The following ZPLD1 variants were observed in gnomAD, a reference collection of about 807,000 sequenced individuals.
ZPLD1 encodes the protein zona pellucida like domain containing 1.
In ZPLD1, 34 loss-of-function variants were observed where a neutral mutation model predicts 47.2. That is an observed-to-expected ratio of 0.72 (90% CI 0.55 to 0.96). The LOEUF (loss-of-function observed/expected upper bound fraction) is 0.96, where lower values mean the gene tolerates loss of function less well. Ranked by LOEUF, ZPLD1 falls within the 40% of genes least tolerant of loss-of-function variation. The pLI, the probability that ZPLD1 is intolerant of heterozygous loss-of-function variation, is 0.00. For missense variants in ZPLD1, 512 were observed against 505.8 expected (o/e 1.01, Z -0.12); for synonymous variants, 176 against 186.2 (o/e 0.95, Z 0.45).
At chr3:102,419,978 G>A (rs1706857590) in intron 8 of ZPLD1, among the ~76,000 whole-genome samples, 1 of 149,362 alleles carries the variant, frequency 6.7e-6, no homozygotes, top group African/African-American at 2.5e-5. Flanking sequence ...CTGGTTTGCT[G>A]TGTTTGTCTT....
chr3:102,437,181 C>G (rs1046796583), intron 2 of ZPLD1, among the ~76,000 whole-genome samples: 20 of 152,192 alleles, frequency 1.3e-4, no homozygotes. Flanking sequence ...GCAATCAGAA[C>G]TAACTAGGCA....
intron 7 of ZPLD1, among the ~76,000 whole-genome samples, chr3:102,404,617 T>C (rs1242272014): frequency 2.6e-5 from 4 of 151,976 alleles, no homozygotes; most frequent in African/African-American, 9.7e-5. Flanking sequence ...TGATGGTGAA[T>C]TTTTCCCTTC....
At chr3:102,454,266 AT>A (rs1707379794) in intron 4 of ZPLD1, among the ~76,000 whole-genome samples, 1 of 152,156 alleles carries the variant, frequency 6.6e-6, no homozygotes, top group African/African-American at 2.4e-5. Context: ...GACTCTTTTT[AT>A]TAAAAACGTT....
At chr3:102,466,895 T>A (rs1355609911) in intron 8 of ZPLD1, among the ~76,000 whole-genome samples, 1 of 151,806 alleles carries the variant, frequency 6.6e-6, no homozygotes, top group African/African-American at 2.4e-5. Context: ...GCCAAAATAA[T>A]AGAACACATT....
chr3:102,397,039 A>T (rs555712157), intron 7 of ZPLD1, among the ~76,000 whole-genome samples: 2 of 152,200 alleles, frequency 1.3e-5, no homozygotes, highest in Non-Finnish European at 2.9e-5. Context: ...GCACACAATA[A>T]ATTCTACTTA....
intron 3 of ZPLD1, among the ~76,000 whole-genome samples, chr3:102,439,954 T>C (rs1024168863): frequency 6.6e-6 from 1 of 152,180 alleles, no homozygotes; most frequent in African/African-American, 2.4e-5. Context: ...ATGCTGTTTA[T>C]CTCTTTGAGC....
At chr3:102,471,253 C>T (rs935276162) in intron 10 of ZPLD1, among the ~76,000 whole-genome samples, 22 of 152,130 alleles carry the variant, frequency 1.4e-4, no homozygotes, top group African/African-American at 5.3e-4. Flanking sequence ...GAAATTGTGG[C>T]GTCCACAGGG....
chr3:102,404,573 T>C (rs1278732445), intron 7 of ZPLD1, among the ~76,000 whole-genome samples: 3 of 151,994 alleles, frequency 2.0e-5, no homozygotes, highest in African/African-American at 7.2e-5. Context: ...GCTTTTGTGC[T>C]CCAGGTGTTT....
chr3:102,460,767 T>C (rs868271477), intron 6 of ZPLD1, among the ~76,000 whole-genome samples: 1 of 151,928 alleles, frequency 6.6e-6, no homozygotes, highest in Non-Finnish European at 1.5e-5. Flanking sequence ...AAATCACAGG[T>C]GGATCATATG....
At chr3:102,433,731 G>A (rs374442245), upstream of ZPLD1, among the ~76,000 whole-genome samples, 62 of 152,112 alleles carry the variant, frequency 4.1e-4, 2 homozygotes, top group South Asian at 0.012. Flanking sequence ...TGGTTTCACC[G>A]TGTTAGCCAG....
intron 8 of ZPLD1, among the ~76,000 whole-genome samples, chr3:102,425,004 T>TG (rs368494033): frequency 3.5e-4 from 54 of 152,124 alleles, no homozygotes; most frequent in African/African-American, 1.2e-3. Flanking sequence ...GGTTTTTTTT[T>TG]TTGTTGTTGT....
intron 7 of ZPLD1, among the ~76,000 whole-genome samples, chr3:102,403,631 T>A (rs980002197): frequency 2.2e-4 from 33 of 152,040 alleles, no homozygotes; most frequent in Non-Finnish European, 5.9e-5. Flanking sequence ...AGCTTAATCA[T>A]ACCCTTAGAT....
At chr3:102,440,954 A>G (rs1453464713) in intron 3 of ZPLD1, among the ~76,000 whole-genome samples, 1 of 152,168 alleles carries the variant, frequency 6.6e-6, no homozygotes, top group Non-Finnish European at 1.5e-5. Flanking sequence ...TGAAGGAGTT[A>G]ACCTTGGAAA....
intron 8 of ZPLD1, among the ~76,000 whole-genome samples, chr3:102,427,062 T>C (rs1262958595): frequency 6.6e-6 from 1 of 152,062 alleles, no homozygotes; most frequent in Non-Finnish European, 1.5e-5. Flanking sequence ...AACAGGTCAA[T>C]AAATAATTTT....
At chr3:102,393,906 A>G (rs1378803820) in intron 7 of ZPLD1, among the ~76,000 whole-genome samples, 1 of 152,188 alleles carries the variant, frequency 6.6e-6, no homozygotes, top group African/African-American at 2.4e-5. Context: ...CAGGCTTTAT[A>G]AAGCTACATT....
rs1290083666 is a variant in ZPLD1 at position 102,479,487 on chromosome 3, T to C, written c.*1869T>C. The C allele has an allele frequency of 6.6e-6, 1 of 152,228 alleles. No individual in the cohort carries two copies. Among genetic ancestry groups the C allele is most frequent in the Non-Finnish European group, 1.5e-5 (1 of 68,028 alleles). The allele number at this position is 152,228 out of a possible 1,614,324, so 9.4% of individuals were successfully genotyped here. A position where few individuals can be genotyped will look rare whatever the true frequency, so the allele number is the denominator to read the frequency against. ...TTGGAACGGCTGCTGTTTCAGCTGT[T>C]GGCCTTTTCAATTCTATACTCCATT... On this transcript the variant is annotated 3_prime_UTR_variant, in exon 12 of 12. Coordinates refer to ENST00000466937, the MANE Select transcript of ZPLD1 (RefSeq NM_001329788.2).
chr3:102,467,700 A>G (rs1257378486), intron 8 of ZPLD1, among the ~76,000 whole-genome samples: 4 of 152,090 alleles, frequency 2.6e-5, no homozygotes, highest in Admixed American at 6.5e-5. Context: ...AAAGGTAAAA[A>G]CTACAACTTT....
chr3:102,459,955 A>G (rs905868623), intron 6 of ZPLD1, among the ~76,000 whole-genome samples: 3 of 152,124 alleles, frequency 2.0e-5, no homozygotes, highest in African/African-American at 7.2e-5. Flanking sequence ...TCATTGCTGT[A>G]TAATACAGAA....
chr3:102,442,461 G>A (rs1381329540), intron 3 of ZPLD1, among the ~76,000 whole-genome samples: 1 of 152,006 alleles, frequency 6.6e-6, no homozygotes, highest in Non-Finnish European at 1.5e-5. Flanking sequence ...TCCCGGGAGA[G>A]ACTTTATATT....
Sources: gnomAD v4.1 joint callset for allele counts (sites outside exome capture counted in the v4.1 genomes callset) on GRCh38, gnomAD v4.1.1 for gene constraint, MANE v1.5 for transcripts, NCBI Gene and HGNC (gene_info 2026-07-23, HGNC 2026-07-21) for gene names.